CEP112: variants seen among roughly 807,000 people sequenced by gnomAD.
CEP112 encodes the protein centrosomal protein of 112 kDa.
Under a neutral mutation model 153.0 loss-of-function variants are expected in CEP112, and 127 were observed. The ratio of observed to expected loss-of-function variants is 0.83; its 90% confidence interval spans 0.72 to 0.96. The LOEUF (loss-of-function observed/expected upper bound fraction) is 0.96. CEP112 is among the 40% of genes least tolerant of loss of function. CEP112 has a pLI of 0.00. For synonymous variants in CEP112, 358 were observed against 374.4 expected, an observed-to-expected ratio of 0.96 and a Z score of 0.51; for missense variants, 1,089 against 1,101.2, an observed-to-expected ratio of 0.99 and a Z score of 0.16.
At chr17:65,724,198 A>G (rs1165944372) in intron 23 of CEP112, among the ~76,000 whole-genome samples, 1 of 152,196 alleles carries the variant, frequency 6.6e-6, no homozygotes, top group Non-Finnish European at 1.5e-5. Flanking sequence ...TTATAGCAAT[A>G]GCCTCCCATT....
intron 17 of CEP112, among the ~76,000 whole-genome samples, chr17:65,989,077 A>T (rs941552554): frequency 6.6e-6 from 1 of 151,238 alleles, no homozygotes; most frequent in Non-Finnish European, 1.5e-5. Context: ...ATACAAAAAA[A>T]TTAAAAAAAA....
chr17:66,147,311 G>A (rs1346299729), intron 4 of CEP112, among the ~76,000 whole-genome samples: 1 of 152,002 alleles, frequency 6.6e-6, no homozygotes, highest in Non-Finnish European at 1.5e-5. Context: ...TTGGAGATAT[G>A]TCTATTCAAG....
At chr17:65,743,587 T>C (rs929305213) in intron 22 of CEP112, among the ~76,000 whole-genome samples, 1 of 152,216 alleles carries the variant, frequency 6.6e-6, no homozygotes, top group African/African-American at 2.4e-5. Context: ...TTCATAATAC[T>C]TTGAACTGTA....
intron 23 of CEP112, among the ~76,000 whole-genome samples, chr17:65,693,926 C>G (rs1046768278): frequency 2.6e-5 from 4 of 152,104 alleles, no homozygotes; most frequent in African/African-American, 9.7e-5. Context: ...TGTCAACGAA[C>G]TAGGAATCAG....
At chr17:65,852,526 C>A (rs1045077555) in intron 20 of CEP112, among the ~76,000 whole-genome samples, 6 of 133,242 alleles carry the variant, frequency 4.5e-5, no homozygotes, top group Non-Finnish European at 6.3e-5. Context: ...TTCCTTCATT[C>A]CATATTCCCA....
At position 66,183,112 on chromosome 17, in the gene CEP112, A is replaced by C. The variant is rs1253306344; in HGVS notation, c.106+82T>G. The C allele has an allele frequency of 3.2e-6, 3 of 950,950 alleles. No homozygotes were observed. In the African/African-American group the frequency reaches 5.0e-5, roughly 16 times the overall value. 58.9% of individuals were successfully genotyped at this position (950,950 alleles called of 1,614,324 possible). On this transcript the variant is annotated intron_variant, in intron 2 of 26. Transcript: ENST00000535342. ...ACTAGAGAAATTCAGTTTTTCTTCCATGTTGATAGTTCATTGGTTTGACTA... is the reference window on the plus strand; with the variant it reads ...ACTAGAGAAATTCAGTTTTTCTTCCCTGTTGATAGTTCATTGGTTTGACTA...
At chr17:65,770,484 T>C (rs1441449452) in intron 21 of CEP112, among the ~76,000 whole-genome samples, 1 of 152,032 alleles carries the variant, frequency 6.6e-6, no homozygotes, top group Non-Finnish European at 1.5e-5. Context: ...CAAAAAAGGT[T>C]GAAATAAGTC....
intron 17 of CEP112, among the ~76,000 whole-genome samples, chr17:65,987,093 A>G (rs2063437172): frequency 6.6e-6 from 1 of 152,202 alleles, no homozygotes; most frequent in African/African-American, 2.4e-5. Flanking sequence ...CACAGAATAA[A>G]AATATACCAT....
intron 21 of CEP112, among the ~76,000 whole-genome samples, chr17:65,795,933 C>T (rs2054886196): frequency 6.6e-6 from 1 of 152,184 alleles, no homozygotes; most frequent in Non-Finnish European, 1.5e-5. Context: ...GCATTTAACA[C>T]TGTTCACACT....
chr17:65,710,409 T>C (rs981451999), intron 23 of CEP112, among the ~76,000 whole-genome samples: 9 of 152,210 alleles, frequency 5.9e-5, no homozygotes, highest in Non-Finnish European at 4.4e-5. Flanking sequence ...TTTTATCCTT[T>C]TGTACCATAT....
chr17:65,927,099 G>C (rs574819546), intron 19 of CEP112, among the ~76,000 whole-genome samples: 1 of 151,264 alleles, frequency 6.6e-6, no homozygotes, highest in Non-Finnish European at 1.5e-5. Context: ...CTCTCACTCT[G>C]AGTTTGAGTG....
intron 19 of CEP112, among the ~76,000 whole-genome samples, chr17:65,914,391 T>C (rs2060398087): frequency 6.6e-6 from 1 of 152,068 alleles, no homozygotes; most frequent in South Asian, 2.1e-4. Context: ...TAGCACTGTG[T>C]CTTTACTTTC....
rs1004161092 is a variant in CEP112, at chr17:65,947,654, A to AT, written c.1872+13808dup. ...AAGTTTTCTTTTAAGTGTTTTGTTTATTTTTTGTTTTTCAAAGCCAAATAC... is the reference window on the plus strand; with the variant it reads ...AAGTTTTCTTTTAAGTGTTTTGTTTATTTTTTTGTTTTTCAAAGCCAAATAC... On this transcript the variant is annotated intron_variant, in intron 18 of 26. Transcript: ENST00000535342. 5.2e-4 allele frequency among the ~76,000 whole-genome samples: 79 copies of AT among 152,190 alleles called. 1 individual carries two copies. In the Middle Eastern group the frequency reaches 0.017, roughly 33 times the overall value.
At chr17:65,828,558 T>C (rs2056939850) in intron 21 of CEP112, among the ~76,000 whole-genome samples, 1 of 152,198 alleles carries the variant, frequency 6.6e-6, no homozygotes, top group African/African-American at 2.4e-5. Context: ...GCCATCCTAA[T>C]ACATCTGGAT....
intron 17 of CEP112, among the ~76,000 whole-genome samples, chr17:65,963,658 T>C (rs971549960): frequency 6.8e-6 from 1 of 147,070 alleles, no homozygotes; most frequent in South Asian, 2.1e-4. Flanking sequence ...TCGATATAGA[T>C]ATAGATATAG....
intron 1 of CEP112, among the ~76,000 whole-genome samples, chr17:66,184,687 C>A (rs2072856967): frequency 6.6e-6 from 1 of 152,128 alleles, no homozygotes; most frequent in South Asian, 2.1e-4. Flanking sequence ...AACAGTTTGG[C>A]AGTTTCTTAC....
chr17:65,890,126 T>C (rs2059413122), intron 20 of CEP112, among the ~76,000 whole-genome samples: 1 of 152,286 alleles, frequency 6.6e-6, no homozygotes, highest in Middle Eastern at 3.4e-3. Flanking sequence ...AGTTCTGGGT[T>C]TTTTCTTTCT....
At chr17:65,718,954 T>C (rs1038772272) in intron 23 of CEP112, among the ~76,000 whole-genome samples, 56 of 152,118 alleles carry the variant, frequency 3.7e-4, no homozygotes, top group Non-Finnish European at 6.9e-4. Context: ...AAAAGGCAAG[T>C]GGGAAAACAG....
At chr17:65,646,933 C>G (rs186879945) in intron 24 of CEP112, among the ~76,000 whole-genome samples, 56 of 152,282 alleles carry the variant, frequency 3.7e-4, no homozygotes, top group Admixed American at 1.0e-3. Flanking sequence ...GGACTCCCCA[C>G]GCCTTCCCAT....
Sources: gnomAD v4.1 joint callset for allele counts (sites outside exome capture counted in the v4.1 genomes callset) on GRCh38, gnomAD v4.1.1 for gene constraint, MANE v1.5 for transcripts, NCBI Gene and HGNC (gene_info 2026-07-23, HGNC 2026-07-21) for gene names.